The following MLANA variants were observed in gnomAD, a reference collection of about 807,000 sequenced individuals.
The protein encoded by MLANA is melan-A.
Under a neutral mutation model 15.7 loss-of-function variants are expected in MLANA, and 21 were observed. The observed-to-expected ratio is 1.33, with a 90% CI of 0.95 to 1.92. The LOEUF is 1.92. Ranked by LOEUF, MLANA falls within the 40% of genes most tolerant of loss-of-function variation. The pLI is 0.00. For missense variants in MLANA, 164 were observed against 143.8 expected, an observed-to-expected ratio of 1.14 and a Z score of -0.72; for synonymous variants, 56 against 51.5, an observed-to-expected ratio of 1.09 and a Z score of -0.37.
chr9:5,894,245 G>GGTGTAC lies in MLANA; in HGVS notation c.77+1695_77+1700dup, dbSNP rs1329657455. Among the ~76,000 whole-genome samples, 1 of 152,126 alleles carries GGTGTAC rather than the reference G, an allele frequency of 6.6e-6. No homozygotes were observed. Among genetic ancestry groups the GGTGTAC allele is most frequent in the East Asian group, 1.9e-4 (1 of 5,176 alleles). On this transcript the variant is annotated intron_variant, in intron 2 of 4. Transcript: ENST00000381477. This position sits in a 1 kb window ranked among gnomAD's most constrained non-coding sequence, Gnocchi z 4.0. ...GCCCAGCTGGGGAACCTCATAGCCA[G>GGTGTAC]GTGTACCCACAACCTGAACAAGGTA...
intron 4 of MLANA, 43 bp downstream of exon 4, chr9:5,907,041 T>C: frequency 7.9e-7 from 1 of 1,262,392 alleles, no homozygotes. Flanking sequence ...TGAATGGCTG[T>C]TTTTAACTCA....
In MLANA at chr9:5,909,029, A is replaced by G. The variant is rs559650504; in HGVS notation, c.*321A>G. 10 of 313,386 alleles carry G rather than the reference A, an allele frequency of 3.2e-5. No homozygotes were observed. The East Asian group carries it at 3.8e-4, about 12-fold the overall frequency. 19.4% of individuals were successfully genotyped at this position (313,386 alleles called of 1,614,324 possible). A position where few individuals can be genotyped will look rare whatever the true frequency, so the allele number is the denominator to read the frequency against. On this transcript the variant is annotated 3_prime_UTR_variant, in exon 5 of 5. Transcript: ENST00000381477. Reference sequence around the variant, plus strand: ...CAAGTGGGTATTCTGGGGCCATCCAATTTCTCTTTACTTGAAATTTGGCTA... The same window carrying G: ...CAAGTGGGTATTCTGGGGCCATCCAGTTTCTCTTTACTTGAAATTTGGCTA...
At chr9:5,895,646 A>C (rs114677914) in intron 2 of MLANA, among the ~76,000 whole-genome samples, 2,094 of 152,302 alleles carry the variant, frequency 0.014, 43 homozygotes, top group African/African-American at 0.043. Context: ...CATCCATGGA[A>C]CTTGTTAAAA....
At chr9:5,908,102 C>T (rs1309114198) in intron 4 of MLANA, among the ~76,000 whole-genome samples, 1 of 152,224 alleles carries the variant, frequency 6.6e-6, no homozygotes, top group Non-Finnish European at 1.5e-5. Flanking sequence ...CCACAACTTA[C>T]TAGTTGTGTG....
At chr9:5,893,286 C>G (rs1044664825) in intron 2 of MLANA, among the ~76,000 whole-genome samples, 1 of 152,110 alleles carries the variant, frequency 6.6e-6, no homozygotes, top group Non-Finnish European at 1.5e-5. Context: ...ATACTCTGTA[C>G]GTGCTGGGTG....
chr9:5,906,489 C>T (rs1832825755), intron 3 of MLANA, among the ~76,000 whole-genome samples: 1 of 152,220 alleles, frequency 6.6e-6, no homozygotes, highest in African/African-American at 2.4e-5. Context: ...CAAGGCAGGT[C>T]TACTGGCAAT....
At chr9:5,902,636 T>C (rs1278846704) in intron 3 of MLANA, among the ~76,000 whole-genome samples, 1 of 151,830 alleles carries the variant, frequency 6.6e-6, no homozygotes, top group East Asian at 1.9e-4. Context: ...TAGCTAGGAT[T>C]ATAGCATGTG....
At chr9:5,903,842 A>G (rs1397942707) in intron 3 of MLANA, among the ~76,000 whole-genome samples, 1 of 151,896 alleles carries the variant, frequency 6.6e-6, no homozygotes, top group Non-Finnish European at 1.5e-5. Context: ...TTAGCATGGT[A>G]TATCTTTTTC....
At chr9:5,893,302 G>A (rs886599161) in intron 2 of MLANA, among the ~76,000 whole-genome samples, 1 of 152,132 alleles carries the variant, frequency 6.6e-6, no homozygotes, top group Non-Finnish European at 1.5e-5. Flanking sequence ...GGGTGGCAGG[G>A]GCAGGGGAGG....
At chr9:5,901,296 T>C (rs1275438544) in intron 3 of MLANA, among the ~76,000 whole-genome samples, 2 of 152,206 alleles carry the variant, frequency 1.3e-5, no homozygotes, top group African/African-American at 2.4e-5. Flanking sequence ...CCTTGCCTTG[T>C]TCCTGATCTT....
At chr9:5,906,789 T>G (rs945461718) in intron 3 of MLANA, 96 bp from the exon 4 acceptor site, 3 of 727,550 alleles carry the variant, frequency 4.1e-6, no homozygotes, top group Non-Finnish European at 6.7e-6. Flanking sequence ...GAACCTAGAT[T>G]AAAACTCATT....
In MLANA at chr9:5,896,546, A is replaced by T. The variant is rs1168598774; in HGVS notation, c.78-1011A>T. 3.9e-5 allele frequency among the ~76,000 whole-genome samples: 6 copies of T among 152,154 alleles called. No homozygotes were observed. In the East Asian group the frequency reaches 1.2e-3, roughly 29 times the overall value. ...GTCTCTCCAGCAGAAGCCTTAGTTA[A>T]ACCTTGCTTCTCCTGTAGCTGCTCA... is the stretch of plus-strand genomic sequence containing the variant. On this transcript the variant is annotated intron_variant, in intron 2 of 4. Transcript: ENST00000381477.
rs181789039 is a variant in MLANA at position 5,897,244 on chromosome 9, C to A, written c.78-313C>A. On this transcript the variant is annotated intron_variant, in intron 2 of 4. Transcript: ENST00000381477. ...ATGAGAAGAAAAGATAATTTAGCCC[C>A]AATAAATACATTGTCCACATAAAGA... is the stretch of plus-strand genomic sequence containing the variant. 9.2e-5 allele frequency among the ~76,000 whole-genome samples: 14 copies of A among 152,280 alleles called. No individual in the cohort carries two copies. In the East Asian group the frequency reaches 2.7e-3, roughly 29 times the overall value.
Position 5,906,752 on chromosome 9 carries a change from C to T in MLANA, c.175-133C>T, listed in dbSNP as rs564507499. ...GAATTCAGAAGGTAAAGTGATGAGA[C>T]TGAAGGCACACAGCAAGTAAGTGGC... On this transcript the variant is annotated intron_variant, in intron 3 of 4. Transcript: ENST00000381477. 3.4e-5 allele frequency: 19 copies of T among 555,814 alleles called. No individual in the cohort carries two copies. In the African/African-American group the frequency reaches 3.7e-4, roughly 11 times the overall value. The allele number at this position is 555,814 out of a possible 1,614,324, so 34.4% of individuals were successfully genotyped here. A position where few individuals can be genotyped will look rare whatever the true frequency, so the allele number is the denominator to read the frequency against.
chr9:5,903,264 G>T (rs1041932185), intron 3 of MLANA, among the ~76,000 whole-genome samples: 1 of 152,140 alleles, frequency 6.6e-6, no homozygotes. Flanking sequence ...CCTGGTTAAT[G>T]TTCTGAGCTT....
chr9:5,904,558 T>C (rs1218484585), intron 3 of MLANA, among the ~76,000 whole-genome samples: 2 of 152,066 alleles, frequency 1.3e-5, no homozygotes, highest in African/African-American at 4.8e-5. Context: ...CTGCCACCTC[T>C]GCCTCCCAGG....
chr9:5,909,112 T>C lies in MLANA; in HGVS notation c.*404T>C, dbSNP rs1295894764. 3 of 229,170 alleles carry C rather than the reference T, an allele frequency of 1.3e-5. No individual in the cohort carries two copies. The East Asian group carries it at 3.8e-4, about 29-fold the overall frequency. The allele number at this position is 229,170 out of a possible 1,614,324, so 14.2% of individuals were successfully genotyped here. ...CGACATGAACTGTACACAGAATTGT[T>C]CCAGTACTATGGAGTGCTCACAAAG... On this transcript the variant is annotated 3_prime_UTR_variant, in exon 5 of 5. Transcript: ENST00000381477.
intron 3 of MLANA, among the ~76,000 whole-genome samples, chr9:5,902,258 T>TA (rs1385232408): frequency 2.0e-5 from 3 of 152,348 alleles, no homozygotes; most frequent in Non-Finnish European, 4.4e-5. Flanking sequence ...AAAGAATTGT[T>TA]ACATTCACCT....
chr9:5,897,639 TAC>T lies in MLANA; in HGVS notation c.162_163del (p.Tyr54Ter). On this transcript the variant is annotated frameshift_variant, in exon 3 of 5. Transcript: ENST00000381477. LOFTEE classifies it high-confidence loss of function. ...GCWYCRRRNGYRALMDKSLHV... is the reference protein window; with the variant it reads ...GCWYCRRRNGXRALMDKSLHV... ...TTGGTATTGTAGAAGACGAAATGGA[TAC>T]AGAGCCTTGATGGTTGGTAAAGTTC... 1 of 1,613,982 alleles carries T rather than the reference TAC, an allele frequency of 6.2e-7. No homozygotes were observed. The highest frequency in any genetic ancestry group is 8.5e-7 in the Non-Finnish European group (1 of 1,179,808).
Sources: gnomAD v4.1 joint callset for allele counts (sites outside exome capture counted in the v4.1 genomes callset) on GRCh38, gnomAD v4.1.1 for gene constraint, Gnocchi (gnomAD v3.1) non-coding constraint, MANE v1.5 for transcripts, NCBI Gene and HGNC (gene_info 2026-07-23, HGNC 2026-07-21) for gene names.